The following CSMD1 variants were observed in gnomAD, a reference collection of about 807,000 sequenced individuals.
The protein encoded by CSMD1 is CUB and Sushi multiple domains 1, also known as CUB and sushi domain-containing protein 1.
CSMD1 carries 213 observed loss-of-function variants against 417.5 expected under a neutral mutation model. The observed-to-expected ratio is 0.51, with a 90% CI of 0.46 to 0.57. The LOEUF is 0.57. CSMD1 is among the 20% of genes least tolerant of loss of function. The pLI is 0.00. For missense variants in CSMD1, 6,923 were observed against 4,529.7 expected, an observed-to-expected ratio of 1.53 and a Z score of -15.17; for synonymous variants, 2,862 against 1,736.8, an observed-to-expected ratio of 1.65 and a Z score of -16.11.
At chr8:3,590,271 A>C (rs1800790375) in intron 8 of CSMD1, among the ~76,000 whole-genome samples, 1 of 152,148 alleles carries the variant, frequency 6.6e-6, no homozygotes, top group Admixed American at 6.5e-5. Flanking sequence ...TTGTTTATAT[A>C]TTCAAATGAT....
chr8:3,715,634 C>G (rs1315136872), intron 6 of CSMD1, among the ~76,000 whole-genome samples: 1 of 152,168 alleles, frequency 6.6e-6, no homozygotes, highest in African/African-American at 2.4e-5. Flanking sequence ...CCTCCACCTC[C>G]CGGGTTCAAG....
chr8:3,502,200 T>TC (rs1796630952), intron 10 of CSMD1, among the ~76,000 whole-genome samples: 1 of 151,588 alleles, frequency 6.6e-6, no homozygotes, highest in Non-Finnish European at 1.5e-5. Flanking sequence ...CCGTCTCTAC[T>TC]AAAAATATAA....
chr8:4,991,288 C>A (rs1811450747), intron 1 of CSMD1, among the ~76,000 whole-genome samples: 1 of 152,192 alleles, frequency 6.6e-6, no homozygotes, highest in Non-Finnish European at 1.5e-5. Flanking sequence ...GAAAGGCACA[C>A]TTGGGATTCA....
At chr8:3,872,007 C>G (rs1206091553) in intron 5 of CSMD1, among the ~76,000 whole-genome samples, 1 of 152,180 alleles carries the variant, frequency 6.6e-6, no homozygotes, top group South Asian at 2.1e-4. Flanking sequence ...CAATGGTGTG[C>G]AGTGAGTATA....
chr8:4,788,108 C>T (rs1797506745), intron 1 of CSMD1: 3 of 1,602,806 alleles, frequency 1.9e-6, no homozygotes, highest in Non-Finnish European at 2.6e-6. Flanking sequence ...AAAGTCAGTG[C>T]AGGGTTGTAG....
chr8:3,737,807 G>C (rs569760119), intron 6 of CSMD1, among the ~76,000 whole-genome samples: 60 of 152,272 alleles, frequency 3.9e-4, no homozygotes, highest in African/African-American at 1.4e-3. Context: ...AATAAAAATA[G>C]CCAAGATGGT....
chr8:3,124,424 T>C (rs1470684303), intron 41 of CSMD1, among the ~76,000 whole-genome samples: 1 of 152,184 alleles, frequency 6.6e-6, no homozygotes, highest in Non-Finnish European at 1.5e-5. Context: ...GTGGTCAAAA[T>C]TGTTTTGTTG....
chr8:4,184,284 C>T (rs983057428), intron 3 of CSMD1, among the ~76,000 whole-genome samples: 2 of 152,152 alleles, frequency 1.3e-5, no homozygotes, highest in East Asian at 1.9e-4. Context: ...TAATCTAACG[C>T]TATTCAGGAA....
intron 3 of CSMD1, among the ~76,000 whole-genome samples, chr8:4,189,378 A>G (rs1211640406): frequency 3.9e-5 from 6 of 152,214 alleles, no homozygotes; most frequent in African/African-American, 1.2e-4. Flanking sequence ...ATAAGCCATG[A>G]ATATTCTAAC....
chr8:4,667,914 A>T (rs958776537), intron 1 of CSMD1, among the ~76,000 whole-genome samples: 2 of 152,242 alleles, frequency 1.3e-5, no homozygotes, highest in African/African-American at 4.8e-5. Context: ...TAGAGTGGCC[A>T]TCTTTGCCTG....
chr8:4,979,881 C>CAAAAAATACA (rs1156243471), intron 1 of CSMD1, among the ~76,000 whole-genome samples: 4 of 151,820 alleles, frequency 2.6e-5, no homozygotes, highest in African/African-American at 9.7e-5. Context: ...ACTAAAAATA[C>CAAAAAATACA]AAAAAAATTA....
chr8:4,431,451 G>A (rs1157595138), intron 2 of CSMD1, among the ~76,000 whole-genome samples: 1 of 152,098 alleles, frequency 6.6e-6, no homozygotes, highest in Non-Finnish European at 1.5e-5. Context: ...TGAGCACACA[G>A]TCAGGAGAGG....
intron 1 of CSMD1, among the ~76,000 whole-genome samples, chr8:4,981,233 C>A (rs1274625377): frequency 6.6e-6 from 1 of 152,192 alleles, no homozygotes; most frequent in African/African-American, 2.4e-5. Context: ...ATACAACAAT[C>A]TATTTGGCCA....
intron 3 of CSMD1, among the ~76,000 whole-genome samples, chr8:4,230,034 A>G (rs1360868160): frequency 1.3e-5 from 2 of 152,218 alleles, no homozygotes; most frequent in South Asian, 2.1e-4. Context: ...CATTTTAAAC[A>G]TAAGAACATC....
intron 1 of CSMD1, among the ~76,000 whole-genome samples, chr8:4,970,614 C>T (rs1810180939): frequency 6.6e-6 from 1 of 151,942 alleles, no homozygotes; most frequent in African/African-American, 2.4e-5. Flanking sequence ...CTACTCTTTA[C>T]AATGATAGGA....
chr8:3,460,354 A>G (rs7000951), intron 12 of CSMD1, among the ~76,000 whole-genome samples: 80,970 of 152,034 alleles, frequency 0.53, 21,947 homozygotes, highest in African/African-American at 0.61. Flanking sequence ...AGTGTATGTG[A>G]GTGGTGGTGA....
chr8:3,541,194 C>T (rs189683331), intron 10 of CSMD1, among the ~76,000 whole-genome samples: 2 of 152,298 alleles, frequency 1.3e-5, no homozygotes, highest in African/African-American at 4.8e-5. Context: ...GAATGCTATG[C>T]AGCCATAAGA....
At chr8:4,459,279 A>G (rs1404928150) in intron 2 of CSMD1, among the ~76,000 whole-genome samples, 1 of 152,212 alleles carries the variant, frequency 6.6e-6, no homozygotes, top group Non-Finnish European at 1.5e-5. Context: ...AGTTCCTGTC[A>G]CTTGTGCACC....
intron 5 of CSMD1, among the ~76,000 whole-genome samples, chr8:3,883,913 T>C (rs893485076): frequency 6.6e-6 from 1 of 152,104 alleles, no homozygotes; most frequent in Non-Finnish European, 1.5e-5. Flanking sequence ...TAAATATATG[T>C]TAAAATATAT....
Sources: gnomAD v4.1 joint callset for allele counts (sites outside exome capture counted in the v4.1 genomes callset) on GRCh38, gnomAD v4.1.1 for gene constraint, MANE v1.5 for transcripts, NCBI Gene and HGNC (gene_info 2026-07-23, HGNC 2026-07-21) for gene names.